Variants in TGM6 observed in about 807,000 individuals in gnomAD.
The protein encoded by TGM6 is transglutaminase 6, also known as protein-glutamine gamma-glutamyltransferase 6.
A neutral mutation model predicts 77.5 loss-of-function variants in TGM6; 74 were observed. That is an observed-to-expected ratio of 0.96 (90% CI 0.79 to 1.16). The LOEUF (loss-of-function observed/expected upper bound fraction) is 1.16. Among genes scored for constraint, TGM6 ranks in the 50% most tolerant of loss-of-function variants. The pLI is 0.00. For synonymous variants in TGM6, 383 were observed against 378.9 expected, an observed-to-expected ratio of 1.01 and a Z score of -0.12; for missense variants, 968 against 940.2, an observed-to-expected ratio of 1.03 and a Z score of -0.39.
intron 1 of TGM6, among the ~76,000 whole-genome samples, chr20:2,387,018 G>C (rs2084601071): frequency 6.6e-6 from 1 of 152,198 alleles, no homozygotes. Context: ...CATTGCTTGG[G>C]AAGTAGCAAC....
chr20:2,420,902 T>G (rs1051403091), intron 10 of TGM6, among the ~76,000 whole-genome samples: 4 of 152,256 alleles, frequency 2.6e-5, no homozygotes, highest in African/African-American at 7.2e-5. Context: ...GAAGGACTTC[T>G]TGGTTGATTC....
intron 5 of TGM6, 88 bp downstream of exon 5, chr20:2,398,134 C>A (rs775854750): frequency 5.0e-6 from 8 of 1,605,858 alleles, no homozygotes; most frequent in Non-Finnish European, 6.8e-6. Context: ...CTTCCCATCA[C>A]CCCTTGTTTT....
In TGM6 at chr20:2,403,713, G is replaced by T. The variant is rs752095723; in HGVS notation, c.1226G>T (p.Ser409Ile). The T allele has an allele frequency of 9.4e-5, 152 of 1,614,116 alleles. No homozygotes were observed. The highest frequency in any genetic ancestry group is 1.2e-4 in the Non-Finnish European group (145 of 1,180,062). ...YITWLWHEDE[S>I]RERVYSNTKK... ...ACCTGGCTGTGGCACGAGGATGAGA[G>T]CCGGGAGCGTGTATACTCAAACACG... is the stretch of plus-strand genomic sequence containing the variant. Residue 409 changes from serine (S) to isoleucine (I), a missense_variant, in exon 9 of 13, where the codon AGC becomes ATC. Ser to Ile is a moderately radical substitution (Grantham distance 142, BLOSUM62 -2). Coordinates refer to ENST00000202625, the MANE Select transcript of TGM6 (RefSeq NM_198994.3).
chr20:2,414,932 T>G (rs2084804875), intron 9 of TGM6, among the ~76,000 whole-genome samples: 5 of 82,420 alleles, frequency 6.1e-5, no homozygotes, highest in South Asian at 1.2e-3. Flanking sequence ...GGTTACAGAA[T>G]TTGGGGGGGG....
At chr20:2,394,380 TG>T in intron 1 of TGM6, 71 bp from the exon 2 acceptor site, 1 of 1,537,930 alleles carries the variant, frequency 6.5e-7, no homozygotes, top group South Asian at 1.1e-5. Flanking sequence ...CGAGAATGAA[TG>T]GGAGGACAAG....
chr20:2,404,288 T>C (rs191873371), intron 9 of TGM6, among the ~76,000 whole-genome samples: 2 of 152,370 alleles, frequency 1.3e-5, no homozygotes, highest in African/African-American at 4.8e-5. Flanking sequence ...CATTGGTTCA[T>C]TGAAGAGCCC....
chr20:2,396,695 C>G, intron 4 of TGM6, 71 bp downstream of exon 4: 1 of 1,403,946 alleles, frequency 7.1e-7, no homozygotes, highest in Non-Finnish European at 1.0e-6. Context: ...TGGAGTCCCT[C>G]TGTCTGCTCA....
At position 2,432,530 on chromosome 20, in the gene TGM6, T is replaced by G; in HGVS notation, c.2008T>G (p.Phe670Val). 6.2e-7 allele frequency: 1 copy of G among 1,614,134 alleles called. No homozygotes were observed. The highest frequency in any genetic ancestry group is 1.1e-5 in the South Asian group (1 of 91,086). The stretch of plus-strand genomic sequence containing the variant: ...GCCTCAGGAGAGGGCCTCAGTCCAG[T>G]TTGACATCACCCCCTCCAAAAGTGG... ...LEPQERASVQ[F>V]DITPSKSGPR... Residue 670 changes from phenylalanine (F) to valine (V), a missense_variant, in exon 13 of 13, where the codon TTT (phenylalanine) becomes GTT (valine). By Grantham distance (50) the Phe-to-Val change is conservative. Coordinates refer to ENST00000202625, the MANE Select transcript of TGM6 (RefSeq NM_198994.3).
Position 2,400,670 on chromosome 20 carries a change from C to T in TGM6, c.989+226C>T, listed in dbSNP as rs189382977. Among the ~76,000 whole-genome samples, 508 of 136,006 alleles carry T rather than the reference C, an allele frequency of 3.7e-3. 4 individuals carry two copies. The highest frequency in any genetic ancestry group is 0.013 in the African/African-American group (491 of 36,624). The allele number at this position is 136,006 out of a possible 152,430, so 89.2% of individuals were successfully genotyped here. ...TAGACTCAGAGGTCAGGAGGGGCCT[C>T]AAGATTTGATTGCCTTGAACGCCCG... On this transcript the variant is annotated intron_variant, in intron 7 of 12. Coordinates refer to ENST00000202625, the MANE Select transcript of TGM6 (RefSeq NM_198994.3).
intron 10 of TGM6, among the ~76,000 whole-genome samples, chr20:2,424,270 A>AT (rs913023541): frequency 1.3e-5 from 2 of 152,118 alleles, no homozygotes; most frequent in Admixed American, 1.3e-4. Flanking sequence ...ATATAAAGCT[A>AT]TTTTTTCTAC....
intron 10 of TGM6, among the ~76,000 whole-genome samples, chr20:2,424,822 A>T (rs1270491407): frequency 6.6e-6 from 1 of 152,176 alleles, no homozygotes; most frequent in Non-Finnish European, 1.5e-5. Flanking sequence ...ACTCTCATTA[A>T]CTTGAACACC....
intron 10 of TGM6, among the ~76,000 whole-genome samples, chr20:2,427,961 A>C (rs2084899296): frequency 6.6e-6 from 1 of 152,086 alleles, no homozygotes; most frequent in South Asian, 2.1e-4. Context: ...AATACTTTTA[A>C]ATTTCTCTTA....
Position 2,397,968 on chromosome 20 carries a change from C to T in TGM6, c.594C>T (p.Pro198=), listed in dbSNP as rs373357736. 37 of 1,614,100 alleles carry T rather than the reference C, an allele frequency of 2.3e-5. No individual in the cohort carries two copies. The highest frequency in any genetic ancestry group is 2.2e-4 in the East Asian group (10 of 44,864). The change falls in exon 5 of 13, where the codon CCC becomes CCT. Residue 198 remains proline, a synonymous_variant. Coordinates refer to ENST00000202625, the MANE Select transcript of TGM6 (RefSeq NM_198994.3). ...NICLSILDRS[P]GHQNNPATDV... is the part of the protein sequence containing the mutation. ...GCCTCTCCATCCTGGATCGAAGCCC[C>T]GGTCACCAAAACAACCCAGCCACCG...
At chr20:2,401,032 C>T (rs181938613) in intron 7 of TGM6, among the ~76,000 whole-genome samples, 2,517 of 151,930 alleles carry the variant, frequency 0.017, 32 homozygotes, top group Non-Finnish European at 0.025. Context: ...TAGTGAAACC[C>T]CATCCCTACT....
At chr20:2,411,443 T>C (rs527869494) in intron 9 of TGM6, among the ~76,000 whole-genome samples, 179 of 130,120 alleles carry the variant, frequency 1.4e-3, no homozygotes, top group African/African-American at 6.0e-3. Flanking sequence ...CAAAATCTCA[T>C]ACCCCTTTAT....
chr20:2,393,119 G>A (rs1382332687), intron 1 of TGM6, among the ~76,000 whole-genome samples: 1 of 152,198 alleles, frequency 6.6e-6, no homozygotes, highest in Non-Finnish European at 1.5e-5. Context: ...GTATATGCAC[G>A]TTGCTAATAT....
At chr20:2,403,939 A>G (rs2084732651) in intron 9 of TGM6, 116 bp downstream of exon 9, 3 of 1,547,360 alleles carry the variant, frequency 1.9e-6, no homozygotes, top group South Asian at 2.3e-5. Context: ...CGCTGACAGC[A>G]GCTTCCATTC....
intron 9 of TGM6, among the ~76,000 whole-genome samples, chr20:2,411,171 C>T (rs149777854): frequency 5.8e-4 from 88 of 152,196 alleles, no homozygotes; most frequent in African/African-American, 2.0e-3. Context: ...GAAAAGAAAA[C>T]TACATATCTA....
At chr20:2,423,227 T>C (rs1329597640) in intron 10 of TGM6, among the ~76,000 whole-genome samples, 2 of 151,978 alleles carry the variant, frequency 1.3e-5, no homozygotes, top group East Asian at 1.9e-4. Context: ...ATTCGCCACA[T>C]TGAATGACTT....
Sources: gnomAD v4.1 joint callset for allele counts (sites outside exome capture counted in the v4.1 genomes callset) on GRCh38, gnomAD v4.1.1 for gene constraint, MANE v1.5 for transcripts, NCBI Gene and HGNC (gene_info 2026-07-23, HGNC 2026-07-21) for gene names.